The following SLC38A6 variants were observed in gnomAD, a reference collection of about 807,000 sequenced individuals.
The protein encoded by SLC38A6 is N system amino acid transporter NAT-1.
SLC38A6 carries 73 observed loss-of-function variants against 65.0 expected under a neutral mutation model. The ratio of observed to expected loss-of-function variants is 1.12; its 90% CI spans 0.93 to 1.37. SLC38A6 has a LOEUF of 1.37. Ranked by LOEUF, SLC38A6 falls within the 40% of genes most tolerant of loss-of-function variation. The probability of loss-of-function intolerance (pLI) is 0.00; values close to 1 mark genes in which losing one functional copy is unlikely to be tolerated. For synonymous variants in SLC38A6, 183 were observed against 178.8 expected (o/e 1.02, Z -0.19); for missense variants, 561 against 531.1 (o/e 1.06, Z -0.55).
At chr14:61,004,138 A>C (rs2038908965) in intron 3 of SLC38A6, among the ~76,000 whole-genome samples, 1 of 152,194 alleles carries the variant, frequency 6.6e-6, no homozygotes, top group African/African-American at 2.4e-5. Flanking sequence ...TAAATTAAAA[A>C]TAAGTTTTAA....
intron 8 of SLC38A6, among the ~76,000 whole-genome samples, 170 bp downstream of exon 8, chr14:61,037,853 T>A (rs1262040493): frequency 6.6e-6 from 1 of 152,220 alleles, no homozygotes; most frequent in Non-Finnish European, 1.5e-5. Context: ...TGTATCTATT[T>A]TGAAGAGGCT....
At position 61,043,137 on chromosome 14, in the gene SLC38A6, A is replaced by G. The variant is rs777446831; in HGVS notation, c.625-10A>G. Reference sequence around the variant, plus strand: ...AATGATCTGAGTGCTGATTCTGTTTACTTTTTTAGGTAATAATTAAAAAAT... The same window carrying G: ...AATGATCTGAGTGCTGATTCTGTTTGCTTTTTTAGGTAATAATTAAAAAAT... On this transcript the variant is annotated splice_polypyrimidine_tract_variant and intron_variant, in intron 8 of 15. Transcript: ENST00000267488. 31 of 1,490,184 alleles carry G rather than the reference A, an allele frequency of 2.1e-5. No individual in the cohort carries two copies. The South Asian group carries it at 3.3e-4, about 16-fold the overall frequency. The allele number at this position is 1,490,184 out of a possible 1,614,324, so 92.3% of individuals were successfully genotyped here. A position where few individuals can be genotyped will look rare whatever the true frequency, so the allele number is the denominator to read the frequency against.
intron 5 of SLC38A6, among the ~76,000 whole-genome samples, chr14:61,026,575 G>A (rs2040624498): frequency 6.6e-6 from 1 of 152,056 alleles, no homozygotes; most frequent in South Asian, 2.1e-4. Context: ...AAAGTAGTTT[G>A]TTTAAATACT....
At chr14:61,021,098 A>G (rs542644982) in intron 5 of SLC38A6, among the ~76,000 whole-genome samples, 1 of 152,172 alleles carries the variant, frequency 6.6e-6, no homozygotes, top group East Asian at 1.9e-4. Context: ...CTCTGTATGT[A>G]TGCTCCTGTA....
chr14:61,012,982 G>T (rs188116010), intron 3 of SLC38A6, among the ~76,000 whole-genome samples: 18 of 152,154 alleles, frequency 1.2e-4, no homozygotes, highest in Non-Finnish European at 2.5e-4. Flanking sequence ...TTAACAGTGG[G>T]GTGTTAAAGT....
intron 3 of SLC38A6, among the ~76,000 whole-genome samples, chr14:60,993,504 T>G (rs1326081979): frequency 1.3e-5 from 2 of 152,114 alleles, no homozygotes; most frequent in Non-Finnish European, 2.9e-5. Flanking sequence ...AACAGGGAGA[T>G]TAAGTGAAAG....
chr14:61,001,562 G>A (rs1394987530), intron 3 of SLC38A6, among the ~76,000 whole-genome samples: 2 of 152,206 alleles, frequency 1.3e-5, no homozygotes, highest in Non-Finnish European at 2.9e-5. Context: ...ACTTAGAACA[G>A]TTCCCCACCC....
chr14:61,017,665 C>A (rs1484299242), intron 4 of SLC38A6, among the ~76,000 whole-genome samples: 1 of 152,158 alleles, frequency 6.6e-6, no homozygotes, highest in East Asian at 1.9e-4. Flanking sequence ...TTCATATTTC[C>A]TGCGTTGCTT....
At chr14:60,982,674 C>G in intron 2 of SLC38A6, 36 bp downstream of exon 2, 1 of 1,577,986 alleles carries the variant, frequency 6.3e-7, no homozygotes, top group Non-Finnish European at 8.6e-7. Flanking sequence ...ATTTTTTTTT[C>G]CATTTTGATA....
chr14:60,990,913 C>T (rs2037834536), intron 3 of SLC38A6, among the ~76,000 whole-genome samples: 1 of 152,122 alleles, frequency 6.6e-6, no homozygotes, highest in Non-Finnish European at 1.5e-5. Context: ...CCAACACCAG[C>T]TCAAGCAATC....
intron 5 of SLC38A6, among the ~76,000 whole-genome samples, chr14:61,028,531 C>A (rs191055677): frequency 5.1e-4 from 78 of 152,188 alleles, no homozygotes; most frequent in Non-Finnish European, 8.1e-4. Context: ...TCTAAACCTT[C>A]CTTCTGTTCT....
intron 15 of SLC38A6, among the ~76,000 whole-genome samples, chr14:61,068,788 A>G (rs2043116852): frequency 6.6e-6 from 1 of 152,234 alleles, no homozygotes; most frequent in Non-Finnish European, 1.5e-5. Context: ...TCTTATTTAT[A>G]ACCAAATCCT....
chr14:61,027,845 T>A (rs2040694747), intron 5 of SLC38A6, among the ~76,000 whole-genome samples: 1 of 152,056 alleles, frequency 6.6e-6, no homozygotes, highest in Non-Finnish European at 1.5e-5. Flanking sequence ...TTAATCCGTG[T>A]GGGTTTTCCC....
intron 3 of SLC38A6, among the ~76,000 whole-genome samples, chr14:61,003,732 T>A (rs2038873024): frequency 6.6e-6 from 1 of 152,182 alleles, no homozygotes; most frequent in Non-Finnish European, 1.5e-5. Context: ...TGTACACATT[T>A]TATTTAGTAA....
chr14:61,074,321 C>G (rs1366269285), intron 15 of SLC38A6, among the ~76,000 whole-genome samples: 1 of 152,214 alleles, frequency 6.6e-6, no homozygotes, highest in East Asian at 1.9e-4. Context: ...GCTACTATAA[C>G]AAAATACCAT....
intron 3 of SLC38A6, among the ~76,000 whole-genome samples, chr14:60,992,851 C>CTTT (rs35754433): frequency 7.1e-6 from 1 of 141,114 alleles, no homozygotes; most frequent in Admixed American, 7.1e-5. Flanking sequence ...TGCCTCCAAA[C>CTTT]TTTTTTTTTT....
At chr14:61,010,943 GA>G (rs1213358804) in intron 3 of SLC38A6, among the ~76,000 whole-genome samples, 1 of 152,128 alleles carries the variant, frequency 6.6e-6, no homozygotes, top group East Asian at 1.9e-4. Flanking sequence ...GCTCGTTGGG[GA>G]TGGCATTGAA....
chr14:61,070,427 G>A (rs1325045874), intron 15 of SLC38A6, among the ~76,000 whole-genome samples: 1 of 152,164 alleles, frequency 6.6e-6, no homozygotes, highest in African/African-American at 2.4e-5. Context: ...CATTGTATGT[G>A]TATACCACAA....
At chr14:61,054,487 C>G (rs111781897), downstream of SLC38A6, among the ~76,000 whole-genome samples, 1 of 151,978 alleles carries the variant, frequency 6.6e-6, no homozygotes, top group East Asian at 1.9e-4. Context: ...TTAATGATAA[C>G]GATTCTTCCT....
Sources: allele counts gnomAD v4.1 joint callset (sites outside exome capture counted in the v4.1 genomes callset), GRCh38; gene constraint gnomAD v4.1.1; transcripts MANE v1.5; gene names NCBI Gene and HGNC (gene_info 2026-07-23, HGNC 2026-07-21).